The following ULK4 variants were observed in gnomAD, a reference collection of about 807,000 sequenced individuals.
ULK4 encodes the protein unc-51 like kinase 4.
Under a neutral mutation model 160.6 loss-of-function variants are expected in ULK4, and 133 were observed. The ratio of observed to expected loss-of-function variants is 0.83; its 90% CI spans 0.72 to 0.96. ULK4 has a LOEUF of 0.96. ULK4 is among the 40% of genes least tolerant of loss of function. The pLI is 0.00. For synonymous variants in ULK4, 534 were observed against 539.8 expected (o/e 0.99, Z 0.15); for missense variants, 1,580 against 1,499.5 (o/e 1.05, Z -0.89).
chr3:41,813,228 G>A (rs2040868123), intron 19 of ULK4, among the ~76,000 whole-genome samples: 1 of 152,002 alleles, frequency 6.6e-6, no homozygotes, highest in African/African-American at 2.4e-5. Context: ...TGGGTTGATA[G>A]GTGTACCAAA....
Position 41,424,831 on chromosome 3 carries a change from C to CA in ULK4, c.3493-26568dup, listed in dbSNP as rs36097613. Among the ~76,000 whole-genome samples, 351 of 62,284 alleles carry CA rather than the reference C, an allele frequency of 5.6e-3. 1 individual carries two copies. The highest frequency in any genetic ancestry group is 7.6e-3 in the East Asian group (13 of 1,710). The allele number at this position is 62,284 out of a possible 152,430, so 40.9% of individuals were successfully genotyped here. A position where few individuals can be genotyped will look rare whatever the true frequency, so the allele number is the denominator to read the frequency against. On this transcript the variant is annotated intron_variant, in intron 34 of 36. Transcript: ENST00000301831. The stretch of plus-strand genomic sequence containing the variant: ...TAATCTCACAAAGATAAGAAATCAT[C>CA]AAAAAAAAAAAAAAAAAAAAAAAGG...
At chr3:41,679,759 C>A (rs2035860081) in intron 29 of ULK4, among the ~76,000 whole-genome samples, 1 of 152,228 alleles carries the variant, frequency 6.6e-6, no homozygotes, top group Admixed American at 6.5e-5. Context: ...TATTACTAAA[C>A]TGTGAAGTCC....
At chr3:41,852,015 G>A (rs1251922478) in intron 17 of ULK4, among the ~76,000 whole-genome samples, 1 of 151,982 alleles carries the variant, frequency 6.6e-6, no homozygotes, top group Non-Finnish European at 1.5e-5. Context: ...GACTAATAGA[G>A]AAGAATCAAA....
At chr3:41,770,668 G>A (rs975661252) in intron 21 of ULK4, among the ~76,000 whole-genome samples, 4 of 151,964 alleles carry the variant, frequency 2.6e-5, no homozygotes, top group Admixed American at 6.6e-5. Flanking sequence ...GCACTACCAC[G>A]ACAGGCTAAT....
chr3:41,790,185 A>T (rs1312450516), intron 20 of ULK4, among the ~76,000 whole-genome samples: 1 of 152,228 alleles, frequency 6.6e-6, no homozygotes, highest in Non-Finnish European at 1.5e-5. Flanking sequence ...AACAGTTGTA[A>T]AAGTGAATAT....
chr3:41,628,944 T>C (rs900466688), intron 30 of ULK4, among the ~76,000 whole-genome samples: 1 of 152,232 alleles, frequency 6.6e-6, no homozygotes, highest in African/African-American at 2.4e-5. Flanking sequence ...GTCTTCTTCC[T>C]GTGAGTCTGG....
At chr3:41,751,811 T>C (rs1457940394) in intron 22 of ULK4, among the ~76,000 whole-genome samples, 2 of 152,162 alleles carry the variant, frequency 1.3e-5, no homozygotes, top group Non-Finnish European at 2.9e-5. Context: ...AGGAAGCCAG[T>C]CATGCAAGCA....
At chr3:41,940,307 T>C (rs1447018121) in intron 2 of ULK4, among the ~76,000 whole-genome samples, 1 of 152,048 alleles carries the variant, frequency 6.6e-6, no homozygotes, top group Non-Finnish European at 1.5e-5. Flanking sequence ...TCAGGGAGAT[T>C]GGATTTGAGA....
At chr3:41,661,494 C>CAGAT (rs559616474) in intron 30 of ULK4, among the ~76,000 whole-genome samples, 4 of 134,416 alleles carry the variant, frequency 3.0e-5, no homozygotes, top group Non-Finnish European at 5.9e-5. Context: ...GGCAGATAGA[C>CAGAT]AGATAGATAG....
At chr3:41,811,819 G>A (rs754586616) in intron 19 of ULK4, among the ~76,000 whole-genome samples, 6 of 152,128 alleles carry the variant, frequency 3.9e-5, no homozygotes, top group South Asian at 2.1e-4. Context: ...CTCATCCTGC[G>A]TCATGTTGTG....
At chr3:41,940,028 T>TG (rs1343251033) in intron 2 of ULK4, among the ~76,000 whole-genome samples, 1 of 151,638 alleles carries the variant, frequency 6.6e-6, no homozygotes, top group Non-Finnish European at 1.5e-5. Flanking sequence ...TAGTTTTTGT[T>TG]GTTTTTTTTT....
At chr3:41,734,660 G>A (rs1361320478) in intron 22 of ULK4, among the ~76,000 whole-genome samples, 1 of 152,172 alleles carries the variant, frequency 6.6e-6, no homozygotes, top group Non-Finnish European at 1.5e-5. Flanking sequence ...AGCAAGGAAT[G>A]TAGATTAAGC....
At chr3:41,471,789 A>T (rs1311825595) in intron 32 of ULK4, among the ~76,000 whole-genome samples, 17 of 152,144 alleles carry the variant, frequency 1.1e-4, no homozygotes, top group Non-Finnish European at 1.8e-4. Context: ...AGGAAAATTT[A>T]AAAAAATTGA....
At chr3:41,791,470 A>G (rs2040148927) in intron 20 of ULK4, among the ~76,000 whole-genome samples, 1 of 152,238 alleles carries the variant, frequency 6.6e-6, no homozygotes, top group Non-Finnish European at 1.5e-5. Flanking sequence ...TATTATAGCC[A>G]GAAAGGAAAA....
At chr3:41,323,080 G>A (rs1299632584) in intron 35 of ULK4, among the ~76,000 whole-genome samples, 1 of 152,014 alleles carries the variant, frequency 6.6e-6, no homozygotes, top group Non-Finnish European at 1.5e-5. Context: ...TGGGATTACA[G>A]GCGTGCACCA....
chr3:41,810,978 G>A lies in ULK4; in HGVS notation c.1848+8445C>T, dbSNP rs116552313. 6.1e-3 allele frequency among the ~76,000 whole-genome samples: 927 copies of A among 152,028 alleles called. 12 individuals carry two copies. Among genetic ancestry groups the A allele is most frequent in the African/African-American group, 0.021 (865 of 41,442 alleles). On this transcript the variant is annotated intron_variant, in intron 19 of 36. Transcript: ENST00000301831. ...AGCTCACTGCAGCCTCAAACTCCTG[G>A]GCTCAACCAATCCTTCTGCCTCAAC...
intron 31 of ULK4, among the ~76,000 whole-genome samples, chr3:41,592,861 A>C (rs1238585092): frequency 6.6e-6 from 1 of 152,100 alleles, no homozygotes; most frequent in African/African-American, 2.4e-5. Context: ...TTGTGCTTTC[A>C]ATGTTGTGAA....
chr3:41,937,206 A>G (rs535499777), intron 3 of ULK4: 1 of 497,762 alleles, frequency 2.0e-6, no homozygotes, highest in Admixed American at 3.5e-5. Flanking sequence ...AAACGTAGGC[A>G]TGTTTTACAG....
chr3:41,361,333 TGAGAA>T (rs2081139023), intron 35 of ULK4, among the ~76,000 whole-genome samples: 1 of 152,218 alleles, frequency 6.6e-6, no homozygotes, highest in Non-Finnish European at 1.5e-5. Context: ...TAGATCTGAT[TGAGAA>T]AACTCCAATT....
Sources: gnomAD v4.1 joint callset for allele counts (sites outside exome capture counted in the v4.1 genomes callset) on GRCh38, gnomAD v4.1.1 for gene constraint, MANE v1.5 for transcripts, NCBI Gene and HGNC (gene_info 2026-07-23, HGNC 2026-07-21) for gene names.